The following RPS6KC1 variants were observed in gnomAD, a reference collection of about 807,000 sequenced individuals.
RPS6KC1 encodes the protein ribosomal protein S6 kinase C1.
A neutral mutation model predicts 103.8 loss-of-function variants in RPS6KC1; 54 were observed. The observed-to-expected ratio is 0.52, with a 90% CI of 0.42 to 0.65. The LOEUF is 0.65. Among genes scored for constraint, RPS6KC1 ranks in the 30% least tolerant of loss-of-function variants. RPS6KC1 has a pLI of 0.00. For synonymous variants in RPS6KC1, 439 were observed against 438.7 expected (o/e 1.00, Z -0.01); for missense variants, 1,151 against 1,253.8 (o/e 0.92, Z 1.24).
the RPS6KC1 span, among the ~76,000 whole-genome samples, chr1:213,581,422 A>G: frequency 1.3e-5 from 2 of 152,082 alleles, no homozygotes. Flanking sequence ...GAAAATTCAG[A>G]AAAATGAGAC....
chr1:213,665,947 C>T, the RPS6KC1 span, among the ~76,000 whole-genome samples: 1 of 151,968 alleles, frequency 6.6e-6, no homozygotes, highest in Non-Finnish European at 1.5e-5. Flanking sequence ...CACTGTAAAC[C>T]CATTATATAA....
the RPS6KC1 span, among the ~76,000 whole-genome samples, chr1:213,537,808 G>C: frequency 6.6e-6 from 1 of 152,106 alleles, no homozygotes; most frequent in African/African-American, 2.4e-5. Context: ...AAAATGTTCT[G>C]ACTGCTTGAG....
chr1:213,850,063 C>T, the RPS6KC1 span, among the ~76,000 whole-genome samples: 2 of 152,084 alleles, frequency 1.3e-5, no homozygotes, highest in South Asian at 2.1e-4. Flanking sequence ...ATTTTTCCTT[C>T]TTCTCCAATA....
intron 8 of RPS6KC1, among the ~76,000 whole-genome samples, chr1:213,219,326 T>G (rs534899281): frequency 6.6e-6 from 1 of 152,304 alleles, no homozygotes; most frequent in South Asian, 2.1e-4. Context: ...CTCACACCAG[T>G]TACAATGGCG....
chr1:213,360,173 C>T, the RPS6KC1 span, among the ~76,000 whole-genome samples: 5 of 152,320 alleles, frequency 3.3e-5, no homozygotes, highest in East Asian at 9.6e-4. Flanking sequence ...GTTCCATTCT[C>T]CCCGTCACTT....
chr1:213,306,284 T>C, the RPS6KC1 span, among the ~76,000 whole-genome samples: 1 of 152,148 alleles, frequency 6.6e-6, no homozygotes, highest in East Asian at 1.9e-4. Flanking sequence ...CCTCTGTATG[T>C]CCAGGAAGGA....
intron 5 of RPS6KC1, among the ~76,000 whole-genome samples, chr1:213,118,049 ATT>A (rs2083902547): frequency 2.0e-5 from 3 of 148,620 alleles, no homozygotes; most frequent in Non-Finnish European, 4.5e-5. Context: ...AGCCTTACTC[ATT>A]TCTTTAGCGC....
chr1:213,498,338 T>C, the RPS6KC1 span, among the ~76,000 whole-genome samples: 1 of 152,244 alleles, frequency 6.6e-6, no homozygotes, highest in East Asian at 1.9e-4. Flanking sequence ...AGTTTTTCCA[T>C]ATTAGAAAAT....
chr1:213,104,856 C>T (rs534090236), intron 4 of RPS6KC1, among the ~76,000 whole-genome samples: 1 of 151,336 alleles, frequency 6.6e-6, no homozygotes, highest in Non-Finnish European at 1.5e-5. Flanking sequence ...TGGGCTCAAG[C>T]CTCCTGTTGC....
the RPS6KC1 span, among the ~76,000 whole-genome samples, chr1:213,734,433 G>A: frequency 8.9e-6 from 1 of 112,296 alleles, no homozygotes; most frequent in African/African-American, 3.7e-5. Context: ...TATGTTACAA[G>A]GCCTCCCGCC....
chr1:213,155,332 G>A (rs775254199), intron 6 of RPS6KC1, among the ~76,000 whole-genome samples: 4 of 152,156 alleles, frequency 2.6e-5, no homozygotes, highest in Non-Finnish European at 5.9e-5. Context: ...TCGCCTACAA[G>A]TTGCAGTCCT....
chr1:213,163,662 A>G (rs550819620), intron 6 of RPS6KC1, among the ~76,000 whole-genome samples: 2 of 152,298 alleles, frequency 1.3e-5, no homozygotes, highest in Non-Finnish European at 2.9e-5. Context: ...TTCCATGAGT[A>G]AAAATGCCTC....
At chr1:213,792,553 A>G in the RPS6KC1 span, among the ~76,000 whole-genome samples, 1 of 152,178 alleles carries the variant, frequency 6.6e-6, no homozygotes, top group Admixed American at 6.5e-5. Context: ...GGATAGAGAC[A>G]CTATGGGCTC....
At chr1:213,712,043 T>C in the RPS6KC1 span, among the ~76,000 whole-genome samples, 1 of 152,226 alleles carries the variant, frequency 6.6e-6, no homozygotes, top group East Asian at 1.9e-4. Context: ...TCAAGCGCTG[T>C]GCCGGTACAT....
chr1:213,448,945 G>T, the RPS6KC1 span, among the ~76,000 whole-genome samples: 1 of 152,166 alleles, frequency 6.6e-6, no homozygotes, highest in East Asian at 1.9e-4. Context: ...GCTCCCTATA[G>T]AAATCCCAGT....
At chr1:213,152,081 G>A (rs1336286887) in intron 6 of RPS6KC1, among the ~76,000 whole-genome samples, 2 of 143,246 alleles carry the variant, frequency 1.4e-5, no homozygotes, top group East Asian at 2.2e-4. Context: ...CCTCCCGGAC[G>A]GGGCGGCTGG....
chr1:213,657,991 TGTGA>T, the RPS6KC1 span, among the ~76,000 whole-genome samples: 4 of 152,334 alleles, frequency 2.6e-5, no homozygotes, highest in South Asian at 8.3e-4. Flanking sequence ...ACTGAGGTAC[TGTGA>T]GGGCTGAGGG....
At chr1:213,652,585 A>C in the RPS6KC1 span, among the ~76,000 whole-genome samples, 1 of 152,228 alleles carries the variant, frequency 6.6e-6, no homozygotes, top group Non-Finnish European at 1.5e-5. Flanking sequence ...AACAAAAATG[A>C]TGTTACATGA....
chr1:213,223,565 TC>T (rs1393508848), intron 8 of RPS6KC1, among the ~76,000 whole-genome samples: 7 of 152,226 alleles, frequency 4.6e-5, no homozygotes, highest in African/African-American at 1.7e-4. Flanking sequence ...TGAGTAGTAT[TC>T]TATGGAGTAT....
Sources: allele counts gnomAD v4.1 joint callset (sites outside exome capture counted in the v4.1 genomes callset), GRCh38; gene constraint gnomAD v4.1.1; transcripts MANE v1.5; gene names NCBI Gene and HGNC (gene_info 2026-07-23, HGNC 2026-07-21).